The following GRIK2 variants were observed in gnomAD, a reference collection of about 807,000 sequenced individuals.
GRIK2 encodes glutamate receptor ionotropic, kainate 2.
A neutral mutation model predicts 100.3 loss-of-function variants in GRIK2; 32 were observed. The ratio of observed to expected loss-of-function variants is 0.32; its 90% confidence interval spans 0.24 to 0.43. The LOEUF (loss-of-function observed/expected upper bound fraction) is 0.43, where lower values mean the gene tolerates loss of function less well. Ranked by LOEUF, GRIK2 falls within the 20% of genes least tolerant of loss-of-function variation. GRIK2 has a pLI of 1.00. For synonymous variants in GRIK2, 417 were observed against 389.4 expected (o/e 1.07, Z -0.83); for missense variants, 843 against 1,114.9 (o/e 0.76, Z 3.47).
intron 2 of GRIK2, among the ~76,000 whole-genome samples, chr6:101,475,973 T>C (rs1177345771): frequency 6.6e-6 from 1 of 152,102 alleles, no homozygotes; most frequent in African/African-American, 2.4e-5. Context: ...ATACCCCATT[T>C]GATATGCTTA....
intron 2 of GRIK2, among the ~76,000 whole-genome samples, chr6:101,499,310 G>T (rs958590068): frequency 3.3e-5 from 5 of 151,922 alleles, no homozygotes; most frequent in Non-Finnish European, 7.4e-5. Context: ...AAAATGCTTT[G>T]GTGAATCTAA....
chr6:101,954,064 A>G (rs1791762124), intron 14 of GRIK2, among the ~76,000 whole-genome samples: 2 of 152,106 alleles, frequency 1.3e-5, no homozygotes, highest in African/African-American at 4.8e-5. Context: ...AAATGACCAT[A>G]ATGTAAGGGT....
chr6:101,581,192 A>ACG lies in GRIK2; in HGVS notation c.116-40756_116-40755insGC, dbSNP rs1449052920. Among the ~76,000 whole-genome samples the ACG allele has an allele frequency of 5.2e-3, 783 of 150,656 alleles. 11 individuals carry two copies. Among genetic ancestry groups the ACG allele is most frequent in the Non-Finnish European group, 4.7e-3 (316 of 67,850 alleles). ...CATATATATATATATACACACACAC[A>ACG]CATATATATACGCATATATATACAT... On this transcript the variant is annotated intron_variant, in intron 2 of 16. Transcript: ENST00000369134.
chr6:102,046,409 TG>T (rs1289476886), intron 15 of GRIK2, among the ~76,000 whole-genome samples: 1 of 152,004 alleles, frequency 6.6e-6, no homozygotes, highest in Non-Finnish European at 1.5e-5. Flanking sequence ...AATTGGATCA[TG>T]GGGGCAGATT....
chr6:101,806,935 C>T (rs1027710605), intron 9 of GRIK2, among the ~76,000 whole-genome samples: 1 of 151,644 alleles, frequency 6.6e-6, no homozygotes, highest in Non-Finnish European at 1.5e-5. Context: ...GCAAGACCTA[C>T]TAGATGGAAA....
At chr6:101,617,660 G>T (rs1013803303) in intron 2 of GRIK2, among the ~76,000 whole-genome samples, 18 of 151,530 alleles carry the variant, frequency 1.2e-4, no homozygotes, top group Non-Finnish European at 2.7e-4. Flanking sequence ...TCAAATTGTG[G>T]TTTAAATTTT....
At chr6:102,027,107 A>C (rs945073853) in intron 14 of GRIK2, among the ~76,000 whole-genome samples, 2 of 151,446 alleles carry the variant, frequency 1.3e-5, no homozygotes. Flanking sequence ...GGCTTATTAC[A>C]TGTAACTTTT....
chr6:102,057,395 T>C (rs1771516678), intron 16 of GRIK2, among the ~76,000 whole-genome samples: 2 of 152,012 alleles, frequency 1.3e-5, no homozygotes, highest in African/African-American at 2.4e-5. Flanking sequence ...AAACAAATGA[T>C]GCGAGGATTT....
intron 14 of GRIK2, among the ~76,000 whole-genome samples, chr6:101,981,199 A>C: frequency 6.6e-6 from 1 of 151,914 alleles, no homozygotes; most frequent in East Asian, 2.0e-4. Flanking sequence ...CAAGTTTATA[A>C]ATATATTTAT....
At chr6:101,725,257 CA>C (rs1774780055) in intron 7 of GRIK2, among the ~76,000 whole-genome samples, 1 of 152,004 alleles carries the variant, frequency 6.6e-6, no homozygotes, top group Non-Finnish European at 1.5e-5. Context: ...CCAAGAGCAA[CA>C]CCATTGGGAA....
intron 2 of GRIK2, among the ~76,000 whole-genome samples, chr6:101,434,586 C>T (rs1407978446): frequency 6.6e-6 from 1 of 151,940 alleles, no homozygotes; most frequent in Non-Finnish European, 1.5e-5. Context: ...ATAGCTCTAT[C>T]GAGTTTAACA....
intron 11 of GRIK2, among the ~76,000 whole-genome samples, chr6:101,879,257 G>A (rs962486403): frequency 3.9e-5 from 6 of 151,958 alleles, no homozygotes; most frequent in African/African-American, 1.4e-4. Flanking sequence ...TAGTTAAATA[G>A]CCCTAATGCT....
In GRIK2 at chr6:101,444,011, A is replaced by G. The variant is rs567110059; in HGVS notation, c.115+44619A>G. ...GGGGTGTTACCATCTCAGCCTCCCA[A>G]TTGGCTCAGACTACAGGTATGCACT... is the stretch of plus-strand genomic sequence containing the variant. On this transcript the variant is annotated intron_variant, in intron 2 of 16. Transcript: ENST00000369134. 3.3e-5 allele frequency among the ~76,000 whole-genome samples: 5 copies of G among 151,690 alleles called. No homozygotes were observed. The East Asian group carries it at 5.8e-4, about 18-fold the overall frequency.
intron 2 of GRIK2, among the ~76,000 whole-genome samples, chr6:101,573,186 G>A (rs1000584037): frequency 6.6e-6 from 1 of 152,120 alleles, no homozygotes; most frequent in Non-Finnish European, 1.5e-5. Context: ...TGGTTGTGAT[G>A]TCTGGTGGTG....
At chr6:101,624,178 ACT>A (rs1392561280) in intron 3 of GRIK2, among the ~76,000 whole-genome samples, 4 of 152,022 alleles carry the variant, frequency 2.6e-5, no homozygotes, top group Admixed American at 2.6e-4. Context: ...TTTTTAAATA[ACT>A]CTTCTGATAA....
chr6:101,840,993 ATATT>A (rs1023494189), intron 10 of GRIK2, among the ~76,000 whole-genome samples: 21 of 134,984 alleles, frequency 1.6e-4, no homozygotes, highest in Non-Finnish European at 3.3e-5. Context: ...AGGCACTAAA[ATATT>A]TATTTTCATG....
intron 2 of GRIK2, among the ~76,000 whole-genome samples, chr6:101,437,831 C>T (rs549067919): frequency 1.3e-5 from 2 of 152,150 alleles, no homozygotes; most frequent in South Asian, 2.1e-4. Flanking sequence ...TAATAGAGTG[C>T]CTGGTACTTC....
chr6:102,056,443 A>G (rs1771465588), intron 16 of GRIK2, among the ~76,000 whole-genome samples: 1 of 151,968 alleles, frequency 6.6e-6, no homozygotes, highest in African/African-American at 2.4e-5. Context: ...CAAAACCAAC[A>G]GTTTAAAGTC....
At chr6:101,973,987 ATTTATATGAC>A (rs1222562815) in intron 14 of GRIK2, among the ~76,000 whole-genome samples, 13 of 151,940 alleles carry the variant, frequency 8.6e-5, no homozygotes, top group South Asian at 6.2e-4. Context: ...GGATATACTA[ATTTATATGAC>A]TCGTACAATT....
Sources: allele counts gnomAD v4.1 joint callset (sites outside exome capture counted in the v4.1 genomes callset), GRCh38; gene constraint gnomAD v4.1.1; transcripts MANE v1.5; gene names NCBI Gene and HGNC (gene_info 2026-07-23, HGNC 2026-07-21).